Variants in NPL observed in about 807,000 individuals in gnomAD.
NPL encodes N-acetylneuraminate lyase.
Under a neutral mutation model 41.1 loss-of-function variants are expected in NPL, and 32 were observed. The ratio of observed to expected loss-of-function variants is 0.78; its 90% CI spans 0.59 to 1.05. The LOEUF is 1.05. Among genes scored for constraint, NPL ranks in the 50% least tolerant of loss-of-function variants. The probability of loss-of-function intolerance (pLI) is 0.00; values close to 1 mark genes in which losing one functional copy is unlikely to be tolerated. For synonymous variants in NPL, 128 were observed against 134.9 expected (o/e 0.95, Z 0.35); for missense variants, 321 against 378.4 (o/e 0.85, Z 1.26).
At position 182,806,177 on chromosome 1, in the gene NPL, A is replaced by G; in HGVS notation, c.175A>G (p.Ser59Gly). Reference sequence around the variant, plus strand: ...CACAACAGGAGAAGGCCTGTCCCTGAGCGTCTCAGAGCGTCGCCAGGTTGC... The same window carrying G: ...CACAACAGGAGAAGGCCTGTCCCTGGGCGTCTCAGAGCGTCGCCAGGTTGC... The part of the protein sequence containing the change: ...NGTTGEGLSL[S>G]VSERRQVAEE... Residue 59 changes from serine to glycine, a missense_variant, in exon 5 of 13, where the codon AGC becomes GGC. Physicochemically the swap from Ser to Gly is moderately conservative, Grantham distance 56. Coordinates refer to ENST00000367553, the MANE Select transcript of NPL (RefSeq NM_030769.3). 1 of 1,614,200 alleles carries G rather than the reference A, an allele frequency of 6.2e-7. No homozygotes were observed. Among genetic ancestry groups the G allele is most frequent in the Non-Finnish European group, 8.5e-7 (1 of 1,180,044 alleles).
chr1:182,813,485 A>T (rs988794732), intron 6 of NPL, among the ~76,000 whole-genome samples: 3 of 152,236 alleles, frequency 2.0e-5, no homozygotes, highest in African/African-American at 7.2e-5. Context: ...TGCTTCTCTT[A>T]CAAAAGGTTT....
chr1:182,827,197 A>C (rs543643356), intron 12 of NPL, among the ~76,000 whole-genome samples: 1 of 152,238 alleles, frequency 6.6e-6, no homozygotes. Context: ...TTAACTTAGC[A>C]AAAGAAAGTT....
At position 182,822,132 on chromosome 1, in the gene NPL, G is replaced by GA; in HGVS notation, c.677dup (p.Thr227AspfsTer9). On this transcript the variant is annotated frameshift_variant, in exon 11 of 13. Transcript: ENST00000367553. LOFTEE classifies it high-confidence loss of function. ...CTTGCCAGTACCTATAACTACCTGG[G>GA]AAAAAAGACAAACCAGATGTTGGAG... 4 of 1,612,826 alleles carry GA rather than the reference G, an allele frequency of 2.5e-6. No individual in the cohort carries two copies. The highest frequency in any genetic ancestry group is 1.1e-5 in the South Asian group (1 of 91,052).
chr1:182,797,265 T>G (rs927775304), intron 3 of NPL, among the ~76,000 whole-genome samples: 1 of 152,154 alleles, frequency 6.6e-6, no homozygotes, highest in Non-Finnish European at 1.5e-5. Flanking sequence ...CTCTCCTCTT[T>G]AGGAATCTTG....
At chr1:182,827,648 T>TA (rs1357474297) in intron 12 of NPL, among the ~76,000 whole-genome samples, 1 of 152,234 alleles carries the variant, frequency 6.6e-6, no homozygotes, top group East Asian at 1.9e-4. Flanking sequence ...TGTTGTTTTA[T>TA]ACTCTACTGT....
intron 1 of NPL, among the ~76,000 whole-genome samples, chr1:182,790,613 T>TGTTGTTG (rs1553232090): frequency 6.6e-6 from 1 of 150,376 alleles, no homozygotes; most frequent in Admixed American, 6.6e-5. Context: ...GTTAAAGTCT[T>TGTTGTTG]TTGTTGTTGT....
At position 182,829,378 on chromosome 1, in the gene NPL, A is replaced by G. The variant is rs1372033521; in HGVS notation, c.*470A>G. ...TAATACCAAACTGTAACATGTCTCA[A>G]CTGTATACAACTCAAAATACACCAG... On this transcript the variant is annotated 3_prime_UTR_variant, in exon 13 of 13. Coordinates refer to ENST00000367553, the MANE Select transcript of NPL (RefSeq NM_030769.3). The G allele has an allele frequency of 3.0e-6, 4 of 1,331,846 alleles. No homozygotes were observed. The African/African-American group carries it at 4.4e-5, about 15-fold the overall frequency. The allele number at this position is 1,331,846 out of a possible 1,614,324, so 82.5% of individuals were successfully genotyped here. A position where few individuals can be genotyped will look rare whatever the true frequency, so the allele number is the denominator to read the frequency against.
Position 182,828,576 on chromosome 1 carries a change from T to G in NPL, c.779-148T>G, listed in dbSNP as rs1667689680. 1.0e-6 allele frequency: 1 copy of G among 989,108 alleles called. No homozygotes were observed. 61.3% of individuals were successfully genotyped at this position (989,108 alleles called of 1,614,324 possible). ...GAGGGATTTCGAATGATTGCTCATCTGTCATATTGACTAGAAATGTTCCCA... is the reference window on the plus strand; with the variant it reads ...GAGGGATTTCGAATGATTGCTCATCGGTCATATTGACTAGAAATGTTCCCA... On this transcript the variant is annotated intron_variant, in intron 12 of 12. Transcript: ENST00000367553. The surrounding 1 kb of genome is among the most constrained non-coding windows in gnomAD (Gnocchi z 4.0).
In NPL at chr1:182,830,270, G is replaced by T. The variant is rs1434165564; in HGVS notation, c.*1362G>T. 1 of 152,166 alleles carries T rather than the reference G, an allele frequency of 6.6e-6. No homozygotes were observed. Among genetic ancestry groups the T allele is most frequent in the Non-Finnish European group, 1.5e-5 (1 of 68,032 alleles). The allele number at this position is 152,166 out of a possible 1,614,324, so 9.4% of individuals were successfully genotyped here. A position where few individuals can be genotyped will look rare whatever the true frequency, so the allele number is the denominator to read the frequency against. The stretch of plus-strand genomic sequence containing the variant: ...TTTTAATTTCCTGAAAGAAGAAAAT[G>T]AGTTGTTCGTTTTTGGTTCTGAGGA... On this transcript the variant is annotated 3_prime_UTR_variant, in exon 13 of 13. Coordinates refer to ENST00000367553, the MANE Select transcript of NPL (RefSeq NM_030769.3).
At chr1:182,796,824 C>T (rs1272846099) in intron 3 of NPL, among the ~76,000 whole-genome samples, 1 of 152,054 alleles carries the variant, frequency 6.6e-6, no homozygotes, top group Non-Finnish European at 1.5e-5. Flanking sequence ...ATCACAAGGT[C>T]AAGAGATCGA....
chr1:182,808,238 T>A (rs1054632421), intron 5 of NPL, among the ~76,000 whole-genome samples: 4 of 152,238 alleles, frequency 2.6e-5, no homozygotes, highest in African/African-American at 9.6e-5. Flanking sequence ...CACGCTAATG[T>A]AAGAATTCAT....
In NPL at chr1:182,803,691, C is replaced by G; in HGVS notation, c.69-7C>G. The G allele has an allele frequency of 6.3e-7, 1 of 1,599,632 alleles. No homozygotes were observed. Among genetic ancestry groups the G allele is most frequent in the Non-Finnish European group, 8.6e-7 (1 of 1,166,828 alleles). ...TAAATATGCCTTTTTTTCCACATGT[C>G]TTCTAGAGAAATCAACTTTTCAGTA... On this transcript the variant is annotated splice_polypyrimidine_tract_variant and splice_region_variant and intron_variant, in intron 3 of 12. Transcript: ENST00000367553.
At position 182,829,083 on chromosome 1, in the gene NPL, CA is replaced by C; in HGVS notation, c.*180del. The C allele has an allele frequency of 7.0e-7, 1 of 1,433,180 alleles. No individual in the cohort carries two copies. Among genetic ancestry groups the C allele is most frequent in the Non-Finnish European group, 9.1e-7 (1 of 1,099,836 alleles). The allele number at this position is 1,433,180 out of a possible 1,614,324, so 88.8% of individuals were successfully genotyped here. A position where few individuals can be genotyped will look rare whatever the true frequency, so the allele number is the denominator to read the frequency against. ...TAAAAAGTCTTATTTTGTGAAGGGGCAAAAACTCTAGGAGTCACAACTCTCA... is the reference window on the plus strand; with the variant it reads ...TAAAAAGTCTTATTTTGTGAAGGGGCAAAACTCTAGGAGTCACAACTCTCA... On this transcript the variant is annotated 3_prime_UTR_variant, in exon 13 of 13. Coordinates refer to ENST00000367553, the MANE Select transcript of NPL (RefSeq NM_030769.3).
rs185002399 is a variant in NPL at position 182,828,790 on chromosome 1, G to A, written c.845G>A (p.Arg282Gln). The change falls in exon 13 of 13, where the codon CGG becomes CAG. Residue 282 changes from arginine to glutamine, a missense_variant. By Grantham distance (43) the Arg-to-Gln change is conservative. Transcript: ENST00000367553. The surrounding 1 kb of genome is among the most constrained non-coding windows in gnomAD (Gnocchi z 4.0). ...LVSGIPMGPP[R>Q]LPLQKASREF... The stretch of plus-strand genomic sequence containing the variant: ...TCTGGGATTCCAATGGGCCCACCCC[G>A]GCTTCCACTGCAGAAAGCCTCCAGG... The A allele has an allele frequency of 2.2e-5, 36 of 1,614,112 alleles. No individual in the cohort carries two copies. Among genetic ancestry groups the A allele is most frequent in the South Asian group, 4.4e-5 (4 of 91,076 alleles).
intron 10 of NPL, among the ~76,000 whole-genome samples, chr1:182,819,910 G>A (rs918611970): frequency 6.6e-6 from 1 of 152,216 alleles, no homozygotes; most frequent in South Asian, 2.1e-4. Flanking sequence ...TAGAACCTAA[G>A]AGGAGGATGT....
In NPL at chr1:182,800,725, C is replaced by CTTT. The variant is rs56908108; in HGVS notation, c.69-2953_69-2951dup. On this transcript the variant is annotated intron_variant, in intron 3 of 12. Coordinates refer to ENST00000367553, the MANE Select transcript of NPL (RefSeq NM_030769.3). ...CAGCTGTATGGAAATGTAGCCCTGGCTTTTTTTTTTTTTTTTTTTTTTGAG... is the reference window on the plus strand; with the variant it reads ...CAGCTGTATGGAAATGTAGCCCTGGCTTTTTTTTTTTTTTTTTTTTTTTTTGAG... Among the ~76,000 whole-genome samples the CTTT allele has an allele frequency of 1.6e-3, 161 of 101,728 alleles. 2 individuals are homozygous for CTTT. Among genetic ancestry groups the CTTT allele is most frequent in the Non-Finnish European group, 2.0e-3 (105 of 53,076 alleles). The allele number at this position is 101,728 out of a possible 152,430, so 66.7% of individuals were successfully genotyped here.
chr1:182,818,702 C>T lies in NPL; in HGVS notation c.606+13C>T. The T allele has an allele frequency of 6.2e-7, 1 of 1,614,038 alleles. No homozygotes were observed. The highest frequency in any genetic ancestry group is 8.5e-7 in the Non-Finnish European group (1 of 1,179,958). On this transcript the variant is annotated intron_variant, in intron 9 of 12. Transcript: ENST00000367553. ...TGGGGTGGATGAGGTAAGTCACCCC[C>T]TAGCATGTTGCAGCAGGTCAGTTCC...
intron 2 of NPL, among the ~76,000 whole-genome samples, chr1:182,793,009 G>A (rs1013139997): frequency 1.3e-5 from 2 of 152,204 alleles, no homozygotes; most frequent in African/African-American, 2.4e-5. Flanking sequence ...TGCCAGTAAT[G>A]TCAGAACTAT....
chr1:182,821,283 AT>A (rs1414104831), intron 10 of NPL, among the ~76,000 whole-genome samples: 1 of 152,234 alleles, frequency 6.6e-6, no homozygotes, highest in Non-Finnish European at 1.5e-5. Context: ...ACTTGGGGAA[AT>A]ATCCTTATTA....
Sources: allele counts gnomAD v4.1 joint callset (sites outside exome capture counted in the v4.1 genomes callset), GRCh38; gene constraint gnomAD v4.1.1; non-coding constraint Gnocchi (gnomAD v3.1); transcripts MANE v1.5; gene names NCBI Gene and HGNC (gene_info 2026-07-23, HGNC 2026-07-21).